Variants in KCNIP4 observed in about 807,000 individuals in gnomAD.
KCNIP4 encodes potassium voltage-gated channel interacting protein 4, also known as Kv channel-interacting protein 4.
In KCNIP4, 12 loss-of-function variants were observed where a neutral mutation model predicts 34.0. The ratio of observed to expected loss-of-function variants is 0.35; its 90% CI spans 0.23 to 0.57. The LOEUF (loss-of-function observed/expected upper bound fraction) is 0.57. Among genes scored for constraint, KCNIP4 ranks in the 20% least tolerant of loss-of-function variants. The pLI is 0.83. For missense variants in KCNIP4, 238 were observed against 311.7 expected (o/e 0.76, Z 1.78); for synonymous variants, 124 against 102.2 (o/e 1.21, Z -1.29).
At chr4:21,154,918 C>G (rs1001770528) in intron 1 of KCNIP4, among the ~76,000 whole-genome samples, 12 of 152,154 alleles carry the variant, frequency 7.9e-5, no homozygotes, top group African/African-American at 2.7e-4. Flanking sequence ...ACAGGGGTTT[C>G]CAAACTTTCT....
chr4:21,416,431 GC>G (rs1404203005), intron 1 of KCNIP4, among the ~76,000 whole-genome samples: 6 of 152,140 alleles, frequency 3.9e-5, no homozygotes, highest in African/African-American at 1.4e-4. Context: ...GTGATTGATA[GC>G]TATTAAATTA....
At chr4:21,278,361 C>A (rs967443494) in intron 1 of KCNIP4, among the ~76,000 whole-genome samples, 6 of 152,082 alleles carry the variant, frequency 3.9e-5, no homozygotes, top group African/African-American at 1.4e-4. Flanking sequence ...CCACCCTCCA[C>A]CCTCCAGTAG....
At chr4:21,915,491 A>G (rs577121076) in intron 1 of KCNIP4, among the ~76,000 whole-genome samples, 2 of 152,352 alleles carry the variant, frequency 1.3e-5, no homozygotes, top group African/African-American at 4.8e-5. Context: ...TAGGTCATAC[A>G]GTTAAGGAGC....
intron 1 of KCNIP4, among the ~76,000 whole-genome samples, chr4:21,543,069 GACA>G (rs939136979): frequency 1.3e-5 from 2 of 151,764 alleles, no homozygotes; most frequent in African/African-American, 4.8e-5. Context: ...TCCCAAATTT[GACA>G]ACAATCCTAA....
chr4:21,525,857 T>C (rs1320961750), intron 1 of KCNIP4, among the ~76,000 whole-genome samples: 1 of 152,212 alleles, frequency 6.6e-6, no homozygotes, highest in Non-Finnish European at 1.5e-5. Context: ...ATTTCCTATC[T>C]AATTTTTATA....
At chr4:21,373,126 A>G (rs1163689012) in intron 1 of KCNIP4, among the ~76,000 whole-genome samples, 1 of 146,918 alleles carries the variant, frequency 6.8e-6, no homozygotes, top group Admixed American at 6.6e-5. Flanking sequence ...GAATATCTTT[A>G]GCCTGAGCAA....
chr4:21,635,567 T>C (rs920478356), intron 1 of KCNIP4, among the ~76,000 whole-genome samples: 2 of 151,990 alleles, frequency 1.3e-5, no homozygotes, highest in African/African-American at 4.8e-5. Context: ...ATCAGAGAAA[T>C]GCAAATCAAA....
intron 1 of KCNIP4, among the ~76,000 whole-genome samples, chr4:21,781,976 T>A (rs1719600926): frequency 6.6e-6 from 1 of 150,596 alleles, no homozygotes; most frequent in Non-Finnish European, 1.5e-5. Flanking sequence ...TATTGATAAA[T>A]CAAAATGAAA....
At chr4:21,127,599 G>T (rs1310852076) in intron 1 of KCNIP4, among the ~76,000 whole-genome samples, 6 of 152,172 alleles carry the variant, frequency 3.9e-5, no homozygotes, top group Admixed American at 3.9e-4. Flanking sequence ...TGCCTGTCCT[G>T]TTCACTGTGG....
intron 1 of KCNIP4, among the ~76,000 whole-genome samples, chr4:20,892,917 T>C (rs541080852): frequency 6.6e-6 from 1 of 152,296 alleles, no homozygotes; most frequent in Admixed American, 6.5e-5. Flanking sequence ...TCTGAACAAT[T>C]TGCCAAAACT....
intron 1 of KCNIP4, among the ~76,000 whole-genome samples, chr4:21,390,121 T>C (rs1377986563): frequency 6.6e-6 from 1 of 152,112 alleles, no homozygotes; most frequent in East Asian, 1.9e-4. Context: ...TGTCTGTTCA[T>C]ATCCTTTGCC....
chr4:21,562,427 A>G (rs577240703), intron 1 of KCNIP4, among the ~76,000 whole-genome samples: 4 of 152,044 alleles, frequency 2.6e-5, no homozygotes, highest in Non-Finnish European at 4.4e-5. Context: ...TTACATCTAA[A>G]TGGTCCCTTC....
intron 1 of KCNIP4, among the ~76,000 whole-genome samples, chr4:21,011,545 T>A (rs1739068782): frequency 6.6e-6 from 1 of 152,212 alleles, no homozygotes; most frequent in African/African-American, 2.4e-5. Context: ...TGATTACGTA[T>A]AATTTAAATT....
intron 1 of KCNIP4, among the ~76,000 whole-genome samples, chr4:21,823,114 A>G (rs1490313836): frequency 6.6e-6 from 1 of 152,156 alleles, no homozygotes; most frequent in African/African-American, 2.4e-5. Flanking sequence ...ATCTCTTAAA[A>G]TAAAAATATC....
intron 1 of KCNIP4, among the ~76,000 whole-genome samples, chr4:21,788,706 C>T (rs990028343): frequency 4.6e-5 from 7 of 152,084 alleles, no homozygotes; most frequent in Non-Finnish European, 1.0e-4. Context: ...ATTCCTTGAG[C>T]CCGACCTACA....
chr4:21,178,330 G>A (rs16870539), intron 1 of KCNIP4, among the ~76,000 whole-genome samples: 4,068 of 152,194 alleles, frequency 0.027, 172 homozygotes, highest in African/African-American at 0.091. Flanking sequence ...ATAAACATTG[G>A]TTGGAACGAA....
intron 1 of KCNIP4, among the ~76,000 whole-genome samples, chr4:20,889,908 C>T (rs1413928988): frequency 6.6e-6 from 1 of 151,838 alleles, no homozygotes; most frequent in Admixed American, 6.6e-5. Context: ...TACTTTTCAT[C>T]TCATAAATAT....
intron 1 of KCNIP4, among the ~76,000 whole-genome samples, chr4:21,227,893 T>C (rs964249956): frequency 6.6e-6 from 1 of 152,188 alleles, no homozygotes; most frequent in Non-Finnish European, 1.5e-5. Flanking sequence ...GTACTAGTTT[T>C]ATAGAACAGA....
rs62411662 is a variant in KCNIP4 at position 20,743,172 on chromosome 4, C to A, written c.429+6490G>T. ...GTTCATGGATAGGAAGAATCCATAT[C>A]GTGAACATGGCCATACTGCCCAAGG... On this transcript the variant is annotated intron_variant, in intron 5 of 8. Transcript: ENST00000382152. Among the ~76,000 whole-genome samples, 12 of 151,986 alleles carry A rather than the reference C, an allele frequency of 7.9e-5. 1 individual carries two copies. The East Asian group carries it at 1.9e-3, about 25-fold the overall frequency.
Sources: allele counts gnomAD v4.1 joint callset (sites outside exome capture counted in the v4.1 genomes callset), GRCh38; gene constraint gnomAD v4.1.1; transcripts MANE v1.5; gene names NCBI Gene and HGNC (gene_info 2026-07-23, HGNC 2026-07-21).